Variants in KCNMB2 observed in about 807,000 individuals in gnomAD.
KCNMB2 encodes potassium calcium-activated channel subfamily M regulatory beta subunit 2, also known as calcium-activated potassium channel subunit beta-2.
In KCNMB2, 9 loss-of-function variants were observed where a neutral mutation model predicts 24.5. The ratio of observed to expected loss-of-function variants is 0.37; its 90% CI spans 0.22 to 0.64. KCNMB2 has a LOEUF of 0.64. Among genes scored for constraint, KCNMB2 ranks in the 30% least tolerant of loss-of-function variants. KCNMB2 has a pLI of 0.63. For missense variants in KCNMB2, 226 were observed against 284.3 expected, an observed-to-expected ratio of 0.79 and a Z score of 1.47; for synonymous variants, 109 against 104.4, an observed-to-expected ratio of 1.04 and a Z score of -0.27.
chr3:178,696,256 C>T (rs1029202507), intron 1 of KCNMB2, among the ~76,000 whole-genome samples: 20 of 152,334 alleles, frequency 1.3e-4, no homozygotes, highest in African/African-American at 3.6e-4. Flanking sequence ...TGGCCCCTCC[C>T]ATGACCTGTG....
intron 1 of KCNMB2, among the ~76,000 whole-genome samples, chr3:178,776,658 TCA>T (rs1055795818): frequency 3.3e-5 from 5 of 152,162 alleles, no homozygotes; most frequent in Non-Finnish European, 7.3e-5. Flanking sequence ...GACTCTTCAC[TCA>T]CAATTTCCTG....
At chr3:178,714,781 C>T (rs1283088756) in intron 1 of KCNMB2, among the ~76,000 whole-genome samples, 2 of 151,976 alleles carry the variant, frequency 1.3e-5, no homozygotes, top group African/African-American at 4.8e-5. Context: ...GTTCGTCAGC[C>T]GTTGGCAAAG....
At chr3:178,754,261 T>C (rs1026901340) in intron 1 of KCNMB2, among the ~76,000 whole-genome samples, 14 of 150,502 alleles carry the variant, frequency 9.3e-5, no homozygotes, top group Non-Finnish European at 1.8e-4. Context: ...TCAATTCCAG[T>C]CTTAGCTAGT....
intron 1 of KCNMB2, among the ~76,000 whole-genome samples, chr3:178,693,587 C>G (rs1428504836): frequency 6.6e-6 from 1 of 152,128 alleles, no homozygotes; most frequent in East Asian, 1.9e-4. Flanking sequence ...CCTTGCATCC[C>G]AGAAATAATG....
intron 1 of KCNMB2, among the ~76,000 whole-genome samples, chr3:178,550,939 A>T (rs1315252917): frequency 1.3e-5 from 2 of 152,230 alleles, no homozygotes; most frequent in East Asian, 3.8e-4. Context: ...CATGTCAAAT[A>T]TTACAGAGAA....
At chr3:178,607,467 C>T (rs1287710269) in intron 1 of KCNMB2, among the ~76,000 whole-genome samples, 1 of 152,184 alleles carries the variant, frequency 6.6e-6, no homozygotes, top group East Asian at 1.9e-4. Context: ...TTGTTCTAGA[C>T]TGCCCAGATT....
In KCNMB2 at chr3:178,630,178, C is replaced by T. The variant is rs141556240; in HGVS notation, c.-68+93467C>T. On this transcript the variant is annotated intron_variant, in intron 1 of 4. Coordinates refer to ENST00000452583, the MANE Select transcript of KCNMB2 (RefSeq NM_181361.3). ...ACTCTCTGCTACAGTTGAGCCATTTCTGTTTACACCAAGACCATGACAAGA... is the reference window on the plus strand; with the variant it reads ...ACTCTCTGCTACAGTTGAGCCATTTTTGTTTACACCAAGACCATGACAAGA... Among the ~76,000 whole-genome samples, 286 of 152,298 alleles carry T rather than the reference C, an allele frequency of 1.9e-3. 1 individual carries two copies. The highest frequency in any genetic ancestry group is 3.1e-3 in the Non-Finnish European group (212 of 68,018).
intron 1 of KCNMB2, chr3:178,746,874 TTCATA>T (rs1283896065): frequency 2.0e-5 from 3 of 152,542 alleles, no homozygotes; most frequent in African/African-American, 7.2e-5. Flanking sequence ...GACCTTATTG[TTCATA>T]TCACTATCAG....
intron 1 of KCNMB2, among the ~76,000 whole-genome samples, chr3:178,643,639 T>C (rs1719805340): frequency 6.6e-6 from 1 of 152,196 alleles, no homozygotes; most frequent in African/African-American, 2.4e-5. Flanking sequence ...CTCCAGGAGC[T>C]AAAAGTCAGG....
chr3:178,829,917 C>T (rs1305744456), intron 4 of KCNMB2, among the ~76,000 whole-genome samples: 1 of 152,052 alleles, frequency 6.6e-6, no homozygotes, highest in African/African-American at 2.4e-5. Context: ...TTATAACATA[C>T]AGAACTGTGC....
Position 178,844,412 on chromosome 3 carries a change from T to TA in KCNMB2, c.*1475_*1476insA, listed in dbSNP as rs1341374705. 1 of 152,242 alleles carries TA rather than the reference T, an allele frequency of 6.6e-6. No individual in the cohort carries two copies. Among genetic ancestry groups the TA allele is most frequent in the East Asian group, 1.9e-4 (1 of 5,194 alleles). The allele number at this position is 152,242 out of a possible 1,614,324, so 9.4% of individuals were successfully genotyped here. ...CAGGACTTCAAATGTGTAATTAAATTTTTTTAAAAAAAATCTATTAAATTG... is the reference window on the plus strand; with the variant it reads ...CAGGACTTCAAATGTGTAATTAAATTATTTTTAAAAAAAATCTATTAAATTG... On this transcript the variant is annotated 3_prime_UTR_variant, in exon 5 of 5. Transcript: ENST00000452583.
intron 1 of KCNMB2, among the ~76,000 whole-genome samples, chr3:178,766,952 C>T (rs1245768066): frequency 6.6e-6 from 1 of 152,158 alleles, no homozygotes; most frequent in Non-Finnish European, 1.5e-5. Flanking sequence ...TGGAAACAAT[C>T]TAAGGCAATA....
At chr3:178,778,245 C>G (rs73051683) in intron 1 of KCNMB2, among the ~76,000 whole-genome samples, 1 of 152,040 alleles carries the variant, frequency 6.6e-6, no homozygotes. Context: ...GACCTTGATA[C>G]AACTGAAGCT....
intron 1 of KCNMB2, among the ~76,000 whole-genome samples, chr3:178,588,467 C>T (rs571265038): frequency 9.1e-4 from 139 of 152,198 alleles, no homozygotes; most frequent in African/African-American, 2.9e-3. Context: ...TCACCTGTGT[C>T]GTGTCTATAT....
At chr3:178,758,349 T>C (rs1724288328) in intron 1 of KCNMB2, among the ~76,000 whole-genome samples, 1 of 17,004 alleles carries the variant, frequency 5.9e-5, no homozygotes, top group Non-Finnish European at 8.4e-5. Flanking sequence ...AGAGGGGATA[T>C]ATATATATAT....
chr3:178,605,278 T>C (rs1289652479), intron 1 of KCNMB2, among the ~76,000 whole-genome samples: 1 of 152,120 alleles, frequency 6.6e-6, no homozygotes, highest in Non-Finnish European at 1.5e-5. Context: ...GACCAGACAC[T>C]AAATCTATCA....
intron 1 of KCNMB2, among the ~76,000 whole-genome samples, chr3:178,595,547 A>T (rs142109536): frequency 6.6e-6 from 1 of 152,044 alleles, no homozygotes; most frequent in Non-Finnish European, 1.5e-5. Flanking sequence ...CAGTTCCCCC[A>T]TCTTGTTCTC....
chr3:178,667,912 T>A (rs530864286), intron 1 of KCNMB2, among the ~76,000 whole-genome samples: 1 of 152,082 alleles, frequency 6.6e-6, no homozygotes, highest in East Asian at 1.9e-4. Context: ...CCACAGTGGG[T>A]GGTTGGCTGG....
At chr3:178,817,055 G>T (rs934526116) in intron 2 of KCNMB2, among the ~76,000 whole-genome samples, 4 of 151,872 alleles carry the variant, frequency 2.6e-5, no homozygotes, top group African/African-American at 9.7e-5. Flanking sequence ...GGACTAAAAA[G>T]AATAATTCCA....
Sources: allele counts gnomAD v4.1 joint callset (sites outside exome capture counted in the v4.1 genomes callset), GRCh38; gene constraint gnomAD v4.1.1; transcripts MANE v1.5; gene names NCBI Gene and HGNC (gene_info 2026-07-23, HGNC 2026-07-21).